Variants in ASIC2 observed in about 807,000 individuals in gnomAD.
The protein encoded by ASIC2 is acid-sensing ion channel 2.
In ASIC2, 25 loss-of-function variants were observed where a neutral mutation model predicts 57.3. The ratio of observed to expected loss-of-function variants is 0.44; its 90% CI spans 0.32 to 0.61. ASIC2 has a LOEUF of 0.61. ASIC2 is among the 20% of genes least tolerant of loss of function. ASIC2 has a pLI of 0.06. For missense variants in ASIC2, 641 were observed against 738.1 expected (o/e 0.87, Z 1.52); for synonymous variants, 319 against 307.5 (o/e 1.04, Z -0.39).
intron 1 of ASIC2, chr17:34,004,698 A>G (rs1425678937): frequency 1.3e-5 from 2 of 152,184 alleles, no homozygotes; most frequent in Non-Finnish European, 2.9e-5. Context: ...CAAAGACTAA[A>G]CCATTGCAGA....
intron 1 of ASIC2, among the ~76,000 whole-genome samples, chr17:33,446,295 T>C (rs1167676576): frequency 1.3e-5 from 2 of 152,164 alleles, no homozygotes; most frequent in Non-Finnish European, 2.9e-5. Flanking sequence ...AATCTGAACA[T>C]AGTAATCCCT....
chr17:33,502,920 A>G (rs1914142876), intron 1 of ASIC2, among the ~76,000 whole-genome samples: 1 of 152,324 alleles, frequency 6.6e-6, no homozygotes, highest in Admixed American at 6.5e-5. Flanking sequence ...ATTATAAAAG[A>G]GAAAAATTTT....
chr17:33,296,106 G>T (rs981121407), upstream of ASIC2, among the ~76,000 whole-genome samples: 2 of 152,050 alleles, frequency 1.3e-5, no homozygotes, highest in African/African-American at 2.4e-5. Context: ...ATATTATTAT[G>T]ATAATAATAT....
At chr17:33,707,495 T>G (rs770459633) in intron 1 of ASIC2, among the ~76,000 whole-genome samples, 14 of 152,196 alleles carry the variant, frequency 9.2e-5, no homozygotes, top group Admixed American at 7.2e-4. Flanking sequence ...TCTATCAAAC[T>G]TTGTATTTTG....
At chr17:33,689,584 T>C (rs1908302314) in intron 1 of ASIC2, among the ~76,000 whole-genome samples, 1 of 98,964 alleles carries the variant, frequency 1.0e-5, no homozygotes, top group South Asian at 4.4e-4. Context: ...GTGTATCTTT[T>C]CTATAGAAAT....
At chr17:33,488,196 C>T (rs756967480) in intron 1 of ASIC2, among the ~76,000 whole-genome samples, 2 of 152,072 alleles carry the variant, frequency 1.3e-5, no homozygotes, top group African/African-American at 2.4e-5. Context: ...GTATTAGAAA[C>T]GCCGTCACTC....
intron 1 of ASIC2, among the ~76,000 whole-genome samples, chr17:33,414,752 G>C (rs1456980826): frequency 2.6e-5 from 4 of 152,162 alleles, no homozygotes; most frequent in African/African-American, 9.7e-5. Context: ...ATTTTAATTT[G>C]GTTCTGTCAC....
At chr17:33,425,500 G>C (rs997860447) in intron 1 of ASIC2, among the ~76,000 whole-genome samples, 2 of 152,148 alleles carry the variant, frequency 1.3e-5, no homozygotes, top group Non-Finnish European at 1.5e-5. Context: ...TTGGTTTCAA[G>C]GATCATTGGG....
intron 1 of ASIC2, among the ~76,000 whole-genome samples, chr17:34,110,230 A>G (rs1911220472): frequency 6.6e-6 from 1 of 152,188 alleles, no homozygotes; most frequent in Admixed American, 6.5e-5. Context: ...TATGGGCTGA[A>G]CAAACAAACG....
chr17:33,463,211 T>C (rs143751551), intron 1 of ASIC2, among the ~76,000 whole-genome samples: 28 of 152,344 alleles, frequency 1.8e-4, no homozygotes, highest in African/African-American at 5.5e-4. Flanking sequence ...TCAGTCCTCC[T>C]GTTCAACTTA....
At chr17:33,092,186 T>A (rs763533522) in intron 2 of ASIC2, among the ~76,000 whole-genome samples, 31 of 152,186 alleles carry the variant, frequency 2.0e-4, no homozygotes, top group Admixed American at 1.4e-3. Flanking sequence ...TAGTTCCAGA[T>A]CCTCTACCCT....
intron 1 of ASIC2, among the ~76,000 whole-genome samples, chr17:33,482,035 C>T (rs950007022): frequency 2.0e-5 from 3 of 152,244 alleles, no homozygotes; most frequent in Admixed American, 6.5e-5. Context: ...TGACCACATT[C>T]CCTCAGCTCT....
intron 1 of ASIC2, chr17:33,794,161 C>G (rs1911850280): frequency 6.6e-6 from 1 of 152,204 alleles, no homozygotes; most frequent in Non-Finnish European, 1.5e-5. Flanking sequence ...GACAAAAGTG[C>G]AGTGTCCTGA....
chr17:33,259,603 C>T (rs965202106), intron 1 of ASIC2, among the ~76,000 whole-genome samples: 1 of 152,090 alleles, frequency 6.6e-6, no homozygotes, highest in African/African-American at 2.4e-5. Flanking sequence ...GATACCAAAA[C>T]AGCAAGATGT....
At chr17:34,128,736 C>A (rs755669844) in intron 1 of ASIC2, among the ~76,000 whole-genome samples, 6 of 152,186 alleles carry the variant, frequency 3.9e-5, no homozygotes, top group Non-Finnish European at 5.9e-5. Context: ...AAAAAGTCAG[C>A]ATTGGCTTTT....
chr17:33,262,120 C>T (rs1371181500), intron 1 of ASIC2, among the ~76,000 whole-genome samples: 2 of 152,198 alleles, frequency 1.3e-5, no homozygotes, highest in Admixed American at 1.3e-4. Context: ...CTCCACTGAG[C>T]CATGAAAATG....
chr17:33,993,846 T>C (rs796934179), intron 1 of ASIC2, among the ~76,000 whole-genome samples: 33 of 152,310 alleles, frequency 2.2e-4, no homozygotes, highest in African/African-American at 7.2e-4. Flanking sequence ...GGAGTCTGGT[T>C]AGATGCTGTG....
At chr17:33,946,907 T>C (rs1020404740) in intron 1 of ASIC2, among the ~76,000 whole-genome samples, 2 of 152,116 alleles carry the variant, frequency 1.3e-5, no homozygotes, top group Non-Finnish European at 2.9e-5. Flanking sequence ...GTCTGGCAGT[T>C]TGGGGTGAAG....
At chr17:34,037,854 T>C in intron 1 of ASIC2, 1 of 1,613,978 alleles carries the variant, frequency 6.2e-7, no homozygotes, top group Non-Finnish European at 8.5e-7. Context: ...GCTTTAAGAA[T>C]CGTATTCTCT....
Sources: gnomAD v4.1 joint callset for allele counts (sites outside exome capture counted in the v4.1 genomes callset) on GRCh38, gnomAD v4.1.1 for gene constraint, MANE v1.5 for transcripts, NCBI Gene and HGNC (gene_info 2026-07-23, HGNC 2026-07-21) for gene names.